The following DIPK1A variants were observed in gnomAD, a reference collection of about 807,000 sequenced individuals.
The protein encoded by DIPK1A is family with sequence similarity 69 member A.
Under a neutral mutation model 40.8 loss-of-function variants are expected in DIPK1A, and 27 were observed. The observed-to-expected ratio is 0.66, with a 90% confidence interval of 0.49 to 0.91. The LOEUF is 0.91. Ranked by LOEUF, DIPK1A falls within the 40% of genes least tolerant of loss-of-function variation. DIPK1A has a pLI of 0.00. For missense variants in DIPK1A, 412 were observed against 505.7 expected (o/e 0.81, Z 1.78); for synonymous variants, 166 against 171.3 (o/e 0.97, Z 0.24).
intron 2 of DIPK1A, among the ~76,000 whole-genome samples, chr1:92,855,239 T>C (rs756524955): frequency 1.8e-4 from 27 of 152,196 alleles, no homozygotes. Context: ...AATGCAAGTG[T>C]ATATATCAAA....
chr1:92,941,823 C>T (rs1243965885), intron 1 of DIPK1A, among the ~76,000 whole-genome samples: 7 of 152,104 alleles, frequency 4.6e-5, no homozygotes, highest in Non-Finnish European at 8.8e-5. Context: ...TCGAAAAGTG[C>T]ACTCAAATGT....
intron 2 of DIPK1A, among the ~76,000 whole-genome samples, chr1:92,853,489 G>A (rs1687885869): frequency 6.6e-6 from 1 of 152,174 alleles, no homozygotes; most frequent in East Asian, 1.9e-4. Context: ...TTCAATAGTA[G>A]ACAACAGTGG....
intron 1 of DIPK1A, among the ~76,000 whole-genome samples, chr1:92,938,908 T>A (rs1427134314): frequency 6.6e-6 from 1 of 152,192 alleles, no homozygotes; most frequent in Non-Finnish European, 1.5e-5. Context: ...TCTACTTTTA[T>A]CATTTATTTT....
At chr1:92,842,018 G>C (rs1409400516), downstream of DIPK1A, 1 of 800,390 alleles carries the variant, frequency 1.2e-6, no homozygotes, top group Non-Finnish European at 1.9e-6. Flanking sequence ...TTTTCTCCAA[G>C]AAAACAAGTG....
At chr1:92,883,252 A>G (rs1453420960) in intron 1 of DIPK1A, among the ~76,000 whole-genome samples, 5 of 152,242 alleles carry the variant, frequency 3.3e-5, no homozygotes, top group Non-Finnish European at 7.3e-5. Context: ...TACAGAGCAT[A>G]TAGGAGGAAG....
At chr1:92,896,328 C>T (rs2100812785) in intron 1 of DIPK1A, among the ~76,000 whole-genome samples, 1 of 152,250 alleles carries the variant, frequency 6.6e-6, no homozygotes, top group East Asian at 1.9e-4. Flanking sequence ...TGGAACAGAA[C>T]AGAGCCCTCA....
intron 1 of DIPK1A, among the ~76,000 whole-genome samples, chr1:92,894,923 C>A (rs535013562): frequency 2.0e-5 from 3 of 151,946 alleles, no homozygotes; most frequent in Admixed American, 1.3e-4. Context: ...ATAAATTCCT[C>A]GACACATACA....
In DIPK1A at chr1:92,842,592, T is replaced by C; in HGVS notation, c.*791A>G. 1.1e-6 allele frequency: 1 copy of C among 951,602 alleles called. No homozygotes were observed. The highest frequency in any genetic ancestry group is 1.2e-6 in the Non-Finnish European group (1 of 815,798). 58.9% of individuals were successfully genotyped at this position (951,602 alleles called of 1,614,324 possible). On this transcript the variant is annotated 3_prime_UTR_variant, in exon 5 of 5. Coordinates refer to ENST00000370310, the MANE Select transcript of DIPK1A (RefSeq NM_001006605.5). ...GTTATTACTAAAAAGTCTGCTATAA[T>C]TTATTTTAGTCTTGCACTTACAGTC...
chr1:92,886,235 G>A (rs1648592526), intron 1 of DIPK1A, among the ~76,000 whole-genome samples: 1 of 152,046 alleles, frequency 6.6e-6, no homozygotes, highest in Admixed American at 6.6e-5. Context: ...GGAAGGCTGA[G>A]GCAGGAGGAT....
intron 1 of DIPK1A, among the ~76,000 whole-genome samples, chr1:92,960,366 C>G (rs181544142): frequency 4.1e-4 from 63 of 152,164 alleles, no homozygotes; most frequent in African/African-American, 1.5e-3. Context: ...ACCAGCTGAC[C>G]CCAAATCATC....
intron 1 of DIPK1A, among the ~76,000 whole-genome samples, chr1:92,954,430 T>C (rs1022328573): frequency 1.6e-5 from 2 of 127,280 alleles, no homozygotes; most frequent in Non-Finnish European, 3.1e-5. Flanking sequence ...CAGACTGGAG[T>C]GCAGTGGCGT....
At chr1:92,851,537 T>A (rs1358625045) in intron 2 of DIPK1A, among the ~76,000 whole-genome samples, 1 of 3,286 alleles carries the variant, frequency 3.0e-4, no homozygotes. Flanking sequence ...AGTGAGACCC[T>A]ATCTCAAAAA....
At chr1:92,910,974 C>G (rs929911759) in intron 1 of DIPK1A, among the ~76,000 whole-genome samples, 2 of 152,148 alleles carry the variant, frequency 1.3e-5, no homozygotes, top group Non-Finnish European at 2.9e-5. Flanking sequence ...CCTCTATTAC[C>G]TCCCCCATTC....
At chr1:92,941,931 A>G (rs1488848575) in intron 1 of DIPK1A, among the ~76,000 whole-genome samples, 1 of 151,506 alleles carries the variant, frequency 6.6e-6, no homozygotes, top group East Asian at 2.0e-4. Context: ...CGGAGGTTGC[A>G]GTGAGCTGAG....
downstream of DIPK1A, chr1:92,840,429 C>A: frequency 1.3e-6 from 1 of 760,308 alleles, no homozygotes; most frequent in South Asian, 1.5e-5. Context: ...TGTTTACCAA[C>A]ATTGATTTAG....
intron 4 of DIPK1A, among the ~76,000 whole-genome samples, 180 bp from the exon 5 acceptor site, chr1:92,844,375 C>G (rs1415465464): frequency 2.0e-5 from 3 of 152,136 alleles, no homozygotes; most frequent in African/African-American, 7.2e-5. Flanking sequence ...GAACTAGAAC[C>G]ATGCTTTATG....
chr1:92,893,470 T>G lies in DIPK1A; in HGVS notation c.55-17040A>C, dbSNP rs900159491. On this transcript the variant is annotated intron_variant, in intron 1 of 4. Transcript: ENST00000370310. ...CAAATGCTGAGAGATTTTGTCACCA[T>G]CAGGCCTGCCCTAAAAGAGCTCCTG... Among the ~76,000 whole-genome samples, 31 of 151,186 alleles carry G rather than the reference T, an allele frequency of 2.1e-4. No individual in the cohort carries two copies. In the East Asian group the frequency reaches 3.7e-3, roughly 18 times the overall value.
chr1:92,891,295 G>A (rs919898666), intron 1 of DIPK1A, among the ~76,000 whole-genome samples: 1 of 149,058 alleles, frequency 6.7e-6, no homozygotes, highest in East Asian at 2.0e-4. Flanking sequence ...ATCTTTTGTG[G>A]TTTTTTTTTA....
chr1:92,880,098 T>C (rs1648300513), intron 1 of DIPK1A, among the ~76,000 whole-genome samples: 1 of 152,174 alleles, frequency 6.6e-6, no homozygotes, highest in South Asian at 2.1e-4. Context: ...TGAAATCTTG[T>C]GGGGTAGCAG....
Sources: gnomAD v4.1 joint callset for allele counts (sites outside exome capture counted in the v4.1 genomes callset) on GRCh38, gnomAD v4.1.1 for gene constraint, MANE v1.5 for transcripts, NCBI Gene and HGNC (gene_info 2026-07-23, HGNC 2026-07-21) for gene names.